ZNF248: variants seen among roughly 807,000 people sequenced by gnomAD.
ZNF248 encodes zinc finger protein 248, also known as KRAB protein domain.
A neutral mutation model predicts 44.3 loss-of-function variants in ZNF248; 20 were observed. The observed-to-expected ratio is 0.45, with a 90% confidence interval of 0.32 to 0.66. The LOEUF (loss-of-function observed/expected upper bound fraction) is 0.66. Among genes scored for constraint, ZNF248 ranks in the 30% least tolerant of loss-of-function variants. The pLI is 0.04. For synonymous variants in ZNF248, 224 were observed against 229.0 expected (o/e 0.98, Z 0.20); for missense variants, 654 against 677.0 (o/e 0.97, Z 0.38).
chr10:37,842,937 A>C (rs752213567), intron 3 of ZNF248, among the ~76,000 whole-genome samples: 2 of 152,208 alleles, frequency 1.3e-5, no homozygotes, highest in Non-Finnish European at 2.9e-5. Flanking sequence ...GGTTCAGTGC[A>C]ATCAGGACAC....
At chr10:37,845,328 C>A (rs1272663074) in intron 3 of ZNF248, among the ~76,000 whole-genome samples, 1 of 149,262 alleles carries the variant, frequency 6.7e-6, no homozygotes, top group Non-Finnish European at 1.5e-5. Flanking sequence ...ACCTTTAATT[C>A]TAAATAGGTT....
chr10:37,788,311 T>C (rs1178447146), intron 6 of ZNF248, among the ~76,000 whole-genome samples: 2 of 144,654 alleles, frequency 1.4e-5, no homozygotes, highest in African/African-American at 5.1e-5. Flanking sequence ...GAATGAGACA[T>C]TTATCAAAGA....
At chr10:37,793,334 A>G (rs2048780821) in intron 6 of ZNF248, among the ~76,000 whole-genome samples, 1 of 151,424 alleles carries the variant, frequency 6.6e-6, no homozygotes, top group Non-Finnish European at 1.5e-5. Flanking sequence ...GACTCTGTCT[A>G]AAAAAAAATT....
At chr10:37,822,463 G>A (rs577915153) in intron 6 of ZNF248, among the ~76,000 whole-genome samples, 2 of 152,170 alleles carry the variant, frequency 1.3e-5, no homozygotes, top group Non-Finnish European at 2.9e-5. Flanking sequence ...CATCCTCTCA[G>A]TTCATTTGAA....
At chr10:37,848,892 C>T (rs905648120) in intron 3 of ZNF248, among the ~76,000 whole-genome samples, 4 of 152,138 alleles carry the variant, frequency 2.6e-5, no homozygotes, top group Non-Finnish European at 4.4e-5. Context: ...CTGTGCTGAT[C>T]AAACTAGTTC....
the ZNF248 span, among the ~76,000 whole-genome samples, chr10:37,763,990 A>T: frequency 6.6e-6 from 1 of 152,214 alleles, no homozygotes; most frequent in Non-Finnish European, 1.5e-5. Context: ...TGTTTAAACA[A>T]TATGAAATCT....
chr10:37,777,064 C>T (rs781003599), intron 6 of ZNF248, among the ~76,000 whole-genome samples: 8 of 152,230 alleles, frequency 5.3e-5, no homozygotes, highest in East Asian at 3.9e-4. Context: ...AGAACCACTC[C>T]GCATGGCACA....
chr10:37,838,127 C>CT lies in ZNF248; in HGVS notation c.16-17dup. On this transcript the variant is annotated splice_polypyrimidine_tract_variant and intron_variant, in intron 3 of 5. Transcript: ENST00000395867. The stretch of plus-strand genomic sequence containing the variant: ...ACACTTGTTCCTGTAATAGTATACT[C>CT]TTTTTACATGAAATGGTCAGAACTA... 1.2e-6 allele frequency: 2 copies of CT among 1,602,916 alleles called. No homozygotes were observed. Among genetic ancestry groups the CT allele is most frequent in the Non-Finnish European group, 1.7e-6 (2 of 1,173,614 alleles).
At chr10:37,820,591 A>G (rs2053304900) in intron 6 of ZNF248, 2 of 1,594,556 alleles carry the variant, frequency 1.3e-6, no homozygotes, top group Middle Eastern at 1.7e-4. Context: ...CAAAGTAATC[A>G]CTAATTTTAC....
At chr10:37,794,201 CCA>C (rs2048882896) in intron 6 of ZNF248, 1 of 152,176 alleles carries the variant, frequency 6.6e-6, no homozygotes, top group African/African-American at 2.4e-5. Context: ...ATCTGATGTA[CCA>C]CAGAGTTTGT....
chr10:37,787,777 T>C (rs1351592445), intron 6 of ZNF248, among the ~76,000 whole-genome samples: 1 of 152,102 alleles, frequency 6.6e-6, no homozygotes, highest in Non-Finnish European at 1.5e-5. Flanking sequence ...AGAAAAATCT[T>C]TGTGACCACT....
Position 37,830,325 on chromosome 10 carries a change from G to T in ZNF248, c.*1290C>A. The T allele has an allele frequency of 4.1e-6, 4 of 985,294 alleles. No homozygotes were observed. The highest frequency in any genetic ancestry group is 4.8e-6 in the Non-Finnish European group (4 of 829,910). The allele number at this position is 985,294 out of a possible 1,614,324, so 61.0% of individuals were successfully genotyped here. A position where few individuals can be genotyped will look rare whatever the true frequency, so the allele number is the denominator to read the frequency against. The stretch of plus-strand genomic sequence containing the variant: ...TTTACTGAAGTGATAGTTCAATAAT[G>T]GCCATATTCATGCATATATGCCAGG... On this transcript the variant is annotated 3_prime_UTR_variant, in exon 6 of 6. Transcript: ENST00000395867.
At chr10:37,795,217 A>T (rs936803909) in intron 6 of ZNF248, 3 of 152,220 alleles carry the variant, frequency 2.0e-5, no homozygotes, top group African/African-American at 7.2e-5. Context: ...GTTTTCATAC[A>T]CTGAGGATAA....
At chr10:37,759,855 T>C in the ZNF248 span, among the ~76,000 whole-genome samples, 1 of 152,180 alleles carries the variant, frequency 6.6e-6, no homozygotes, top group Non-Finnish European at 1.5e-5. Flanking sequence ...AACCTGGAGA[T>C]GCATCGGTGT....
At chr10:37,825,439 A>AT (rs1482664791), downstream of ZNF248, among the ~76,000 whole-genome samples, 1 of 152,012 alleles carries the variant, frequency 6.6e-6, no homozygotes, top group African/African-American at 2.4e-5. Flanking sequence ...ACATTTCCAA[A>AT]TTTTTTCTTT....
At chr10:37,770,089 G>A in the ZNF248 span, among the ~76,000 whole-genome samples, 3 of 152,116 alleles carry the variant, frequency 2.0e-5, no homozygotes, top group Non-Finnish European at 2.9e-5. Context: ...CCTCTTCAAG[G>A]AGAACTACAA....
intron 5 of ZNF248, among the ~76,000 whole-genome samples, chr10:37,837,058 T>C (rs569368979): frequency 3.1e-4 from 47 of 150,672 alleles, no homozygotes; most frequent in African/African-American, 1.1e-3. Context: ...GTTTGGATTA[T>C]AGGTATAAGT....
At chr10:37,839,627 C>T (rs148553445) in intron 3 of ZNF248, among the ~76,000 whole-genome samples, 39 of 151,840 alleles carry the variant, frequency 2.6e-4, no homozygotes, top group African/African-American at 7.7e-4. Context: ...TTAAAGAAGA[C>T]ATAATCTGAA....
At chr10:37,808,495 G>C (rs1285362232) in intron 6 of ZNF248, among the ~76,000 whole-genome samples, 1 of 151,918 alleles carries the variant, frequency 6.6e-6, no homozygotes, top group African/African-American at 2.4e-5. Flanking sequence ...ATGTTGACCA[G>C]GCTGGTCTCA....
Sources: gnomAD v4.1 joint callset for allele counts (sites outside exome capture counted in the v4.1 genomes callset) on GRCh38, gnomAD v4.1.1 for gene constraint, MANE v1.5 for transcripts, NCBI Gene and HGNC (gene_info 2026-07-23, HGNC 2026-07-21) for gene names.